The following NFYC variants were observed in gnomAD, a reference collection of about 807,000 sequenced individuals.
NFYC encodes the protein nuclear transcription factor Y subunit gamma.
In NFYC, 25 loss-of-function variants were observed where a neutral mutation model predicts 53.1. The ratio of observed to expected loss-of-function variants is 0.47; its 90% confidence interval spans 0.34 to 0.66. The LOEUF (loss-of-function observed/expected upper bound fraction) is 0.66. Ranked by LOEUF, NFYC falls within the 30% of genes least tolerant of loss-of-function variation. The pLI is 0.01. For missense variants in NFYC, 260 were observed against 422.7 expected, an observed-to-expected ratio of 0.62 and a Z score of 3.38; for synonymous variants, 145 against 152.6, an observed-to-expected ratio of 0.95 and a Z score of 0.37.
At chr1:40,729,679 C>CTT (rs749911157) in intron 1 of NFYC, among the ~76,000 whole-genome samples, 2 of 143,574 alleles carry the variant, frequency 1.4e-5, no homozygotes, top group South Asian at 2.2e-4. Context: ...CATCTCAGCT[C>CTT]TTTTTTTTTT....
chr1:40,755,984 A>T (rs1345596374), intron 5 of NFYC, among the ~76,000 whole-genome samples: 2 of 152,128 alleles, frequency 1.3e-5, no homozygotes, highest in Non-Finnish European at 2.9e-5. Flanking sequence ...CACGGCTAGA[A>T]AATGCAGGTG....
In NFYC at chr1:40,702,217, G is replaced by C. The variant is rs1056117038; in HGVS notation, c.-9+10350G>C. Among the ~76,000 whole-genome samples the C allele has an allele frequency of 3.9e-4, 59 of 152,046 alleles. 1 individual carries two copies. The highest frequency in any genetic ancestry group is 3.3e-4 in the Admixed American group (5 of 15,264). ...TCATCTCCTTAAGGTCCATTTATTA[G>C]TTTATTTCATTCCTTCATTCACTGA... On this transcript the variant is annotated intron_variant, in intron 1 of 9. Transcript: ENST00000447388.
At chr1:40,718,055 G>T (rs1644201825) in intron 1 of NFYC, among the ~76,000 whole-genome samples, 1 of 152,132 alleles carries the variant, frequency 6.6e-6, no homozygotes, top group South Asian at 2.1e-4. Context: ...AGAAATAGTG[G>T]TAAATTTCCA....
At position 40,758,314 on chromosome 1, in the gene NFYC, T is replaced by A. The variant is rs994379078; in HGVS notation, c.561+20T>A. 3.8e-6 allele frequency: 6 copies of A among 1,591,942 alleles called. No individual in the cohort carries two copies. In the African/African-American group the frequency reaches 6.7e-5, roughly 18 times the overall value. On this transcript the variant is annotated intron_variant, in intron 6 of 9. Transcript: ENST00000447388. ...GGCCAGGTCTGTGAGCTGCTGAGGA[T>A]GCCCATCCAGCAAGACAGTGCCCCT...
intron 1 of NFYC, among the ~76,000 whole-genome samples, chr1:40,717,112 T>C (rs1644165594): frequency 6.6e-6 from 1 of 152,142 alleles, no homozygotes; most frequent in Non-Finnish European, 1.5e-5. Context: ...ATTTGGAATT[T>C]AGGATCATAG....
chr1:40,698,211 A>G (rs1440756007), intron 1 of NFYC, among the ~76,000 whole-genome samples: 1 of 151,908 alleles, frequency 6.6e-6, no homozygotes, highest in Non-Finnish European at 1.5e-5. Context: ...AAAAATACAA[A>G]AATTAGCCAG....
intron 1 of NFYC, among the ~76,000 whole-genome samples, chr1:40,695,029 G>A (rs945163750): frequency 6.6e-6 from 1 of 152,148 alleles, no homozygotes; most frequent in Non-Finnish European, 1.5e-5. Flanking sequence ...GAGGCAGGTG[G>A]TATTTGAAGT....
At chr1:40,762,751 TATTACTAGTACTG>T in intron 6 of NFYC, 124 bp from the exon 7 acceptor site, 3 of 738,834 alleles carry the variant, frequency 4.1e-6, no homozygotes, top group Middle Eastern at 4.5e-4. Context: ...CTCTGTAGGT[TATTACTAGTACTG>T]AGATGACCTT....
intron 1 of NFYC, among the ~76,000 whole-genome samples, chr1:40,730,949 T>C (rs1644741742): frequency 6.6e-6 from 1 of 152,202 alleles, no homozygotes; most frequent in South Asian, 2.1e-4. Flanking sequence ...GTGTGGAGTT[T>C]GAGCATTGTC....
At chr1:40,716,263 G>C (rs2148473201) in intron 1 of NFYC, among the ~76,000 whole-genome samples, 2 of 152,286 alleles carry the variant, frequency 1.3e-5, no homozygotes, top group Non-Finnish European at 2.9e-5. Flanking sequence ...GAATTCAGAG[G>C]AGGGGAGACG....
intron 6 of NFYC, among the ~76,000 whole-genome samples, chr1:40,760,891 C>T (rs1415537910): frequency 6.6e-6 from 1 of 152,138 alleles, no homozygotes; most frequent in Non-Finnish European, 1.5e-5. Flanking sequence ...TATCATGATG[C>T]CTAAGGGACC....
intron 2 of NFYC, among the ~76,000 whole-genome samples, chr1:40,746,969 A>G (rs900804333): frequency 3.9e-5 from 6 of 152,166 alleles, no homozygotes; most frequent in African/African-American, 1.4e-4. Context: ...GGCCATTGCT[A>G]CTGTGATGAG....
At chr1:40,751,428 T>C (rs12567925) in intron 4 of NFYC, among the ~76,000 whole-genome samples, 32,728 of 152,114 alleles carry the variant, frequency 0.22, 4,152 homozygotes, top group South Asian at 0.42. Flanking sequence ...TTTTTTGAGA[T>C]AGGGTCTCAC....
At chr1:40,718,592 G>A (rs1644223002) in intron 1 of NFYC, among the ~76,000 whole-genome samples, 1 of 152,122 alleles carries the variant, frequency 6.6e-6, no homozygotes, top group Non-Finnish European at 1.5e-5. Flanking sequence ...GTCACTTTTT[G>A]GAACAAAGCA....
chr1:40,731,094 C>T (rs77968957), intron 1 of NFYC, among the ~76,000 whole-genome samples: 1,752 of 152,232 alleles, frequency 0.012, 30 homozygotes, highest in African/African-American at 0.039. Context: ...GTTGTCCAGG[C>T]TTGGTTCCCA....
chr1:40,726,109 G>GTT (rs1367150467), intron 1 of NFYC, among the ~76,000 whole-genome samples: 1 of 150,834 alleles, frequency 6.6e-6, no homozygotes. Context: ...GTATGTGTTT[G>GTT]TGTGTGTGTG....
At chr1:40,707,622 G>A (rs201687824) in intron 1 of NFYC, among the ~76,000 whole-genome samples, 4 of 151,032 alleles carry the variant, frequency 2.6e-5, no homozygotes, top group Admixed American at 2.6e-4. Context: ...TGGGCAACAT[G>A]GTGAGAACCC....
intron 1 of NFYC, among the ~76,000 whole-genome samples, chr1:40,734,340 CTTTATTTATTTATTTATTTA>C (rs34100786): frequency 1.4e-5 from 2 of 146,560 alleles, no homozygotes; most frequent in African/African-American, 2.5e-5. Flanking sequence ...ACTACGGTTG[CTTTATTTATTTATTTATTTA>C]TTTATTTATT....
At chr1:40,729,295 A>G (rs909701413) in intron 1 of NFYC, among the ~76,000 whole-genome samples, 1 of 152,204 alleles carries the variant, frequency 6.6e-6, no homozygotes, top group East Asian at 1.9e-4. Flanking sequence ...CTCTAGCTAG[A>G]TCTTCGGGAT....
Sources: allele counts gnomAD v4.1 joint callset (sites outside exome capture counted in the v4.1 genomes callset), GRCh38; gene constraint gnomAD v4.1.1; transcripts MANE v1.5; gene names NCBI Gene and HGNC (gene_info 2026-07-23, HGNC 2026-07-21).